Variants in GABRG3 observed in about 807,000 individuals in gnomAD.
GABRG3 encodes gamma-aminobutyric acid receptor subunit gamma-3.
Under a neutral mutation model 48.8 loss-of-function variants are expected in GABRG3, and 25 were observed. That is an observed-to-expected ratio of 0.51 (90% CI 0.37 to 0.72). GABRG3 has a LOEUF of 0.72. Among genes scored for constraint, GABRG3 ranks in the 30% least tolerant of loss-of-function variants. The pLI, the probability that GABRG3 is intolerant of heterozygous loss-of-function variation, is 0.00. For missense variants in GABRG3, 394 were observed against 577.9 expected (o/e 0.68, Z 3.26); for synonymous variants, 227 against 217.6 (o/e 1.04, Z -0.38).
At chr15:27,003,864 C>A (rs1217357174) in intron 2 of GABRG3, among the ~76,000 whole-genome samples, 1 of 144,166 alleles carries the variant, frequency 6.9e-6, no homozygotes, top group Non-Finnish European at 1.5e-5. Flanking sequence ...CTGACCCCCC[C>A]ACCTCCCTCC....
At chr15:27,513,916 A>C (rs902406554) in intron 6 of GABRG3, among the ~76,000 whole-genome samples, 1 of 152,226 alleles carries the variant, frequency 6.6e-6, no homozygotes, top group African/African-American at 2.4e-5. Flanking sequence ...AGACTTGCCA[A>C]AGCTTTATGG....
chr15:27,144,098 G>T (rs1396832382), intron 3 of GABRG3, among the ~76,000 whole-genome samples: 4 of 152,116 alleles, frequency 2.6e-5, no homozygotes, highest in African/African-American at 9.7e-5. Context: ...CTCCAAAAAA[G>T]CAATAACAAT....
intron 5 of GABRG3, among the ~76,000 whole-genome samples, chr15:27,378,947 TAGG>T (rs1416990131): frequency 1.9e-5 from 1 of 53,918 alleles, no homozygotes; most frequent in Non-Finnish European, 3.2e-5. Context: ...GTTGTATGTG[TAGG>T]AGAAGTGCTC....
chr15:27,350,436 A>G (rs1003391913), intron 5 of GABRG3: 1 of 326,172 alleles, frequency 3.1e-6, no homozygotes, highest in Non-Finnish European at 6.1e-6. Context: ...TTTCAAATGG[A>G]TATCAGTAAA....
intron 5 of GABRG3, among the ~76,000 whole-genome samples, chr15:27,393,578 G>A (rs1309256783): frequency 1.3e-5 from 2 of 151,872 alleles, no homozygotes; most frequent in Non-Finnish European, 2.9e-5. Flanking sequence ...GATCATTCTA[G>A]CCTCCTCCCT....
rs1271564254 is a variant in GABRG3, at chr15:26,976,465, C to CA, written c.54-535dup. 1.3e-5 allele frequency among the ~76,000 whole-genome samples: 2 copies of CA among 152,298 alleles called. No homozygotes were observed. Among genetic ancestry groups the CA allele is most frequent in the East Asian group, 3.9e-4 (2 of 5,180 alleles). The stretch of plus-strand genomic sequence containing the variant: ...AGTGCCGGCAAAGCAGACCCCCTCA[C>CA]AATGCTCAAGTGCCTAGACCCCCAG... On this transcript the variant is annotated intron_variant, in intron 1 of 9. Transcript: ENST00000615808. The surrounding 1 kb of genome is among the most constrained non-coding windows in gnomAD (Gnocchi z 7.8).
At chr15:27,410,209 A>C (rs1229997393) in intron 5 of GABRG3, among the ~76,000 whole-genome samples, 2 of 152,316 alleles carry the variant, frequency 1.3e-5, no homozygotes, top group South Asian at 4.1e-4. Context: ...GTTACGGTGG[A>C]TAACATTGAT....
At chr15:26,983,480 C>T (rs865854485) in intron 2 of GABRG3, among the ~76,000 whole-genome samples, 1 of 152,134 alleles carries the variant, frequency 6.6e-6, no homozygotes, top group Non-Finnish European at 1.5e-5. Context: ...TTGAAAGTTG[C>T]ACTTCGCTTC....
chr15:27,392,199 A>G (rs1279645182), intron 5 of GABRG3, among the ~76,000 whole-genome samples: 1 of 152,198 alleles, frequency 6.6e-6, no homozygotes, highest in Non-Finnish European at 1.5e-5. Context: ...TATATTAACT[A>G]GCCTCCACGC....
intron 5 of GABRG3, among the ~76,000 whole-genome samples, chr15:27,449,504 A>T (rs1034518447): frequency 6.6e-6 from 1 of 152,236 alleles, no homozygotes; most frequent in Non-Finnish European, 1.5e-5. Context: ...GGAAGATGTA[A>T]AAAATGTTTA....
At chr15:27,313,240 ATGTGTGTGTGTG>A (rs1169973611) in intron 3 of GABRG3, among the ~76,000 whole-genome samples, 12 of 56,892 alleles carry the variant, frequency 2.1e-4, no homozygotes, top group African/African-American at 7.3e-4. Context: ...ATATGTATAT[ATGTGTGTGTGTG>A]TGTGTGTGTG....
At chr15:26,977,556 A>C (rs1432633921) in intron 2 of GABRG3, among the ~76,000 whole-genome samples, 2 of 152,186 alleles carry the variant, frequency 1.3e-5, no homozygotes, top group African/African-American at 4.8e-5. Context: ...CATTTTGAGA[A>C]TGTCACGTAC....
intron 3 of GABRG3, among the ~76,000 whole-genome samples, chr15:27,105,859 G>C (rs1341925388): frequency 6.6e-6 from 1 of 152,036 alleles, no homozygotes; most frequent in Non-Finnish European, 1.5e-5. Context: ...CAATAGCCAA[G>C]ATATGGAAAC....
intron 3 of GABRG3, among the ~76,000 whole-genome samples, chr15:27,137,989 AT>A (rs1324544261): frequency 6.6e-6 from 1 of 152,218 alleles, no homozygotes; most frequent in Non-Finnish European, 1.5e-5. Flanking sequence ...ACTTTCAAAA[AT>A]ATCTTTACAT....
In GABRG3 at chr15:27,198,503, C is replaced by T. The variant is rs531856645; in HGVS notation, c.271-128306C>T. On this transcript the variant is annotated intron_variant, in intron 3 of 9. Transcript: ENST00000615808. ...TTAAAATGTCAGGAAATAATAGATG[C>T]TGGAGAGGATGTGGAGAAATAGGAA... Among the ~76,000 whole-genome samples the T allele has an allele frequency of 8.5e-5, 13 of 152,278 alleles. 1 individual carries two copies. In the South Asian group the frequency reaches 2.7e-3, roughly 32 times the overall value.
chr15:27,078,445 T>G (rs8040102), intron 3 of GABRG3, among the ~76,000 whole-genome samples: 31,072 of 152,152 alleles, frequency 0.2, 3,314 homozygotes, highest in Middle Eastern at 0.26. Flanking sequence ...AGTTTTTAGC[T>G]CTTCTATATG....
intron 3 of GABRG3, among the ~76,000 whole-genome samples, chr15:27,115,392 G>T (rs1322029716): frequency 6.6e-6 from 1 of 152,176 alleles, no homozygotes; most frequent in African/African-American, 2.4e-5. Context: ...GGTGGACCCA[G>T]GGAGCTGAGG....
intron 3 of GABRG3, among the ~76,000 whole-genome samples, chr15:27,219,643 G>A (rs1025292195): frequency 3.3e-5 from 5 of 152,250 alleles, no homozygotes; most frequent in South Asian, 2.1e-4. Flanking sequence ...GGCAGACAGC[G>A]CCCAACCTCC....
rs112809480 is a variant in GABRG3 at position 27,440,665 on chromosome 15, C to A, written c.575-39985C>A. ...ATTATCACCTAATCCTTGTATCACA[C>A]CGATGAGGTCTGCATTTGTAATATT... On this transcript the variant is annotated intron_variant, in intron 5 of 9. Transcript: ENST00000615808. Among the ~76,000 whole-genome samples the A allele has an allele frequency of 2.0e-3, 300 of 152,300 alleles. 3 individuals are homozygous for A. Among genetic ancestry groups the A allele is most frequent in the African/African-American group, 6.4e-3 (268 of 41,558 alleles).
Sources: gnomAD v4.1 joint callset for allele counts (sites outside exome capture counted in the v4.1 genomes callset) on GRCh38, gnomAD v4.1.1 for gene constraint, Gnocchi (gnomAD v3.1) non-coding constraint, MANE v1.5 for transcripts, NCBI Gene and HGNC (gene_info 2026-07-23, HGNC 2026-07-21) for gene names.